KSR2: variants seen among roughly 807,000 people sequenced by gnomAD.
KSR2 encodes kinase suppressor of ras 2.
In KSR2, 25 loss-of-function variants were observed where a neutral mutation model predicts 107.8. The ratio of observed to expected loss-of-function variants is 0.23; its 90% confidence interval spans 0.17 to 0.32. KSR2 has a LOEUF of 0.32. Among genes scored for constraint, KSR2 ranks in the 10% least tolerant of loss-of-function variants. The pLI is 1.00. For synonymous variants in KSR2, 480 were observed against 507.0 expected, an observed-to-expected ratio of 0.95 and a Z score of 0.71; for missense variants, 887 against 1,268.9, an observed-to-expected ratio of 0.70 and a Z score of 4.57.
intron 16 of KSR2, among the ~76,000 whole-genome samples, chr12:117,479,666 C>T (rs1872032746): frequency 6.6e-6 from 1 of 152,158 alleles, no homozygotes; most frequent in Non-Finnish European, 1.5e-5. Context: ...GGAAATGGTC[C>T]AAATCTCAGT....
chr12:117,526,550 G>A (rs1430343672), intron 13 of KSR2, among the ~76,000 whole-genome samples: 2 of 152,178 alleles, frequency 1.3e-5, no homozygotes, highest in Admixed American at 6.5e-5. Flanking sequence ...AAAAGAACAC[G>A]ATTTTCCTTG....
At chr12:117,944,589 C>T (rs1421745092) in intron 1 of KSR2, among the ~76,000 whole-genome samples, 1 of 152,022 alleles carries the variant, frequency 6.6e-6, no homozygotes, top group Non-Finnish European at 1.5e-5. Flanking sequence ...GGTGCAGTGG[C>T]TCACGCCTGC....
chr12:117,469,793 G>A lies in KSR2; in HGVS notation c.2715C>T (p.Asp905=), dbSNP rs769734943. ...CAAAGGCCCAGCAGAAGAGAAGAAT[G>A]TCCTAAATGAAACCAATGTGTGGTG... ...SQIGMGKEIS[D]ILLFCWAFEQ... The change falls in exon 19 of 20, where the codon GAC becomes GAT. Residue 905 remains aspartate, a splice_region_variant and synonymous_variant. Transcript: ENST00000339824. 3 of 1,613,788 alleles carry A rather than the reference G, an allele frequency of 1.9e-6. No individual in the cohort carries two copies. Among genetic ancestry groups the A allele is most frequent in the Non-Finnish European group, 2.5e-6 (3 of 1,179,798 alleles).
At position 117,764,740 on chromosome 12, in the gene KSR2, T is replaced by C. The variant is rs1034166232; in HGVS notation, c.473-3216A>G. On this transcript the variant is annotated intron_variant, in intron 3 of 19. Transcript: ENST00000339824. ...AGTCGGATGACTTGGGCTCCAAATCTGACTCCCCACCACTTATGGCTGTGT... is the reference window on the plus strand; with the variant it reads ...AGTCGGATGACTTGGGCTCCAAATCCGACTCCCCACCACTTATGGCTGTGT... 1.3e-4 allele frequency among the ~76,000 whole-genome samples: 20 copies of C among 152,336 alleles called. No homozygotes were observed. In the East Asian group the frequency reaches 2.7e-3, roughly 21 times the overall value.
At chr12:117,899,419 G>T (rs1438214472) in intron 1 of KSR2, among the ~76,000 whole-genome samples, 1 of 152,126 alleles carries the variant, frequency 6.6e-6, no homozygotes, top group Non-Finnish European at 1.5e-5. Context: ...CTTGAGCCCA[G>T]GAGTTCAAGG....
intron 3 of KSR2, among the ~76,000 whole-genome samples, chr12:117,834,860 A>T (rs990365902): frequency 4.6e-5 from 7 of 152,198 alleles, no homozygotes; most frequent in South Asian, 4.1e-4. Flanking sequence ...GTGGGAATTA[A>T]TTTTTTTATG....
chr12:117,576,766 G>T (rs1879307340), intron 7 of KSR2, among the ~76,000 whole-genome samples: 1 of 152,040 alleles, frequency 6.6e-6, no homozygotes, highest in African/African-American at 2.4e-5. Context: ...AGACTCCCAA[G>T]TAGCTAGGAC....
chr12:117,786,437 AAGCTT>A (rs1190522954), intron 3 of KSR2, among the ~76,000 whole-genome samples: 2 of 152,012 alleles, frequency 1.3e-5, no homozygotes, highest in Non-Finnish European at 2.9e-5. Context: ...CCCAAGTACT[AAGCTT>A]AGTACTCAAT....
chr12:117,895,469 G>T (rs1218937351), intron 1 of KSR2, among the ~76,000 whole-genome samples: 2 of 152,110 alleles, frequency 1.3e-5, no homozygotes, highest in African/African-American at 4.8e-5. Context: ...TTCTCAGAAT[G>T]GAGAGATGTG....
rs75266022 is a variant in KSR2, at chr12:117,862,855, G to A, written c.181-2424C>T. On this transcript the variant is annotated intron_variant, in intron 1 of 19. Transcript: ENST00000339824. The stretch of plus-strand genomic sequence containing the variant: ...CTCCATTCTCCTGCCTCACCCTCCC[G>A]AGTAGCTGGCACTACAGGCACCTGC... Among the ~76,000 whole-genome samples, 768 of 149,326 alleles carry A rather than the reference G, an allele frequency of 5.1e-3. 53 individuals carry two copies. The East Asian group carries it at 0.13, about 26-fold the overall frequency.
chr12:117,550,988 G>C (rs986402349), intron 9 of KSR2, among the ~76,000 whole-genome samples: 3 of 152,218 alleles, frequency 2.0e-5, no homozygotes, highest in Admixed American at 1.3e-4. Context: ...TGCGGAGCCA[G>C]CCTAGGCGGG....
intron 3 of KSR2, among the ~76,000 whole-genome samples, chr12:117,836,664 G>C (rs1236172033): frequency 1.3e-5 from 2 of 152,222 alleles, no homozygotes; most frequent in Non-Finnish European, 2.9e-5. Flanking sequence ...AAACCAACCA[G>C]GGCAGCTGAA....
intron 14 of KSR2, among the ~76,000 whole-genome samples, chr12:117,524,477 G>A (rs532862530): frequency 6.6e-6 from 1 of 152,186 alleles, no homozygotes; most frequent in African/African-American, 2.4e-5. Flanking sequence ...ACCATCCTGG[G>A]CAACATAGCA....
chr12:117,894,613 T>C (rs1005690063), intron 1 of KSR2, among the ~76,000 whole-genome samples: 3 of 151,722 alleles, frequency 2.0e-5, no homozygotes, highest in African/African-American at 7.3e-5. Context: ...TGGTGGGAGG[T>C]GATTGAATCA....
chr12:117,662,311 A>T (rs1884468295), intron 5 of KSR2, among the ~76,000 whole-genome samples: 1 of 152,152 alleles, frequency 6.6e-6, no homozygotes, highest in African/African-American at 2.4e-5. Flanking sequence ...TCTGGGGAGT[A>T]ATGAACCTTG....
intron 5 of KSR2, among the ~76,000 whole-genome samples, chr12:117,597,445 A>G (rs187097802): frequency 6.6e-6 from 1 of 152,222 alleles, no homozygotes; most frequent in African/African-American, 2.4e-5. Flanking sequence ...AATTATAAGG[A>G]TCCTTATGAA....
intron 1 of KSR2, among the ~76,000 whole-genome samples, chr12:117,927,099 C>T (rs79921641): frequency 0.036 from 5,543 of 152,140 alleles, 167 homozygotes; most frequent in East Asian, 0.16. Flanking sequence ...TGGCCGGGCA[C>T]GGTGGCTCTT....
chr12:117,928,256 T>C (rs1334570223), intron 1 of KSR2, among the ~76,000 whole-genome samples: 3 of 151,664 alleles, frequency 2.0e-5, no homozygotes, highest in Non-Finnish European at 4.4e-5. Context: ...ATCAGCTCAC[T>C]GCAACCTCTG....
At chr12:117,651,392 C>T (rs1883900320) in intron 5 of KSR2, among the ~76,000 whole-genome samples, 1 of 152,142 alleles carries the variant, frequency 6.6e-6, no homozygotes, top group South Asian at 2.1e-4. Context: ...AGGAGGTGCA[C>T]TACACTCTAA....
Sources: allele counts gnomAD v4.1 joint callset (sites outside exome capture counted in the v4.1 genomes callset), GRCh38; gene constraint gnomAD v4.1.1; transcripts MANE v1.5; gene names NCBI Gene and HGNC (gene_info 2026-07-23, HGNC 2026-07-21).